MAPKAP1: variants seen among roughly 807,000 people sequenced by gnomAD.
MAPKAP1 encodes MAPK associated protein 1.
A neutral mutation model predicts 65.7 loss-of-function variants in MAPKAP1; 20 were observed. That is an observed-to-expected ratio of 0.30 (90% CI 0.21 to 0.44). The LOEUF is 0.44. MAPKAP1 is among the 20% of genes least tolerant of loss of function. The pLI is 1.00. For missense variants in MAPKAP1, 423 were observed against 648.0 expected, an observed-to-expected ratio of 0.65 and a Z score of 3.77; for synonymous variants, 222 against 244.3, an observed-to-expected ratio of 0.91 and a Z score of 0.85.
chr9:125,706,530 T>C (rs1406066484), intron 1 of MAPKAP1, among the ~76,000 whole-genome samples: 1 of 151,894 alleles, frequency 6.6e-6, no homozygotes, highest in Non-Finnish European at 1.5e-5. Flanking sequence ...AAAGAATGAA[T>C]CAAAGTTCCA....
intron 4 of MAPKAP1, among the ~76,000 whole-genome samples, chr9:125,611,607 AAAG>A (rs1256818144): frequency 6.6e-6 from 1 of 152,190 alleles, no homozygotes; most frequent in Non-Finnish European, 1.5e-5. Flanking sequence ...GAAAAATAGG[AAAG>A]AAGATCTGTA....
At chr9:125,693,733 A>G (rs1208897720) in intron 1 of MAPKAP1, among the ~76,000 whole-genome samples, 6 of 149,700 alleles carry the variant, frequency 4.0e-5, no homozygotes, top group Non-Finnish European at 8.8e-5. Context: ...ATATACACAT[A>G]TATACACGTA....
rs1832304414 is a variant in MAPKAP1, at chr9:125,601,721, A to G, written c.499-15994T>C. On this transcript the variant is annotated intron_variant, in intron 4 of 11. Transcript: ENST00000265960. ...ACCTCCTAGCAAACAATGTAAAAAC[A>G]TCACACAATAGGTTCACATTTCTTC... 3.3e-5 allele frequency among the ~76,000 whole-genome samples: 5 copies of G among 152,344 alleles called. No homozygotes were observed. In the South Asian group the frequency reaches 1.0e-3, roughly 32 times the overall value.
At chr9:125,576,653 C>T (rs1283897105) in intron 5 of MAPKAP1, among the ~76,000 whole-genome samples, 2 of 152,226 alleles carry the variant, frequency 1.3e-5, no homozygotes, top group Admixed American at 6.5e-5. Context: ...AGAGTGCCTG[C>T]GACTGCAGGC....
chr9:125,605,753 C>T (rs1832422642), intron 4 of MAPKAP1, among the ~76,000 whole-genome samples: 1 of 152,114 alleles, frequency 6.6e-6, no homozygotes, highest in Admixed American at 6.5e-5. Context: ...TTCTCCCTCA[C>T]CCTAAAGGAA....
chr9:125,468,192 T>C (rs1853753408), intron 9 of MAPKAP1, 83 bp from the exon 10 acceptor site: 1 of 1,459,858 alleles, frequency 6.8e-7, no homozygotes, highest in South Asian at 1.2e-5. Flanking sequence ...TGACCTGTTT[T>C]ATAAATCTGA....
rs546500676 is a variant in MAPKAP1 at position 125,439,053 on chromosome 9, C to T, written c.1444-41G>A. ...CACAGCCCGGTCACCTTGCCAGCCGCTCCCTACCCACCCAGGGCATCGGAG... is the reference window on the plus strand; with the variant it reads ...CACAGCCCGGTCACCTTGCCAGCCGTTCCCTACCCACCCAGGGCATCGGAG... On this transcript the variant is annotated intron_variant, in intron 11 of 11. Transcript: ENST00000265960. This position sits in a 1 kb window ranked among gnomAD's most constrained non-coding sequence, Gnocchi z 4.0. The T allele has an allele frequency of 7.5e-6, 12 of 1,606,794 alleles. No homozygotes were observed. The African/African-American group carries it at 1.5e-4, about 20-fold the overall frequency.
At chr9:125,625,273 A>ATAAATAAAT (rs1564589726) in intron 4 of MAPKAP1, among the ~76,000 whole-genome samples, 4 of 148,614 alleles carry the variant, frequency 2.7e-5, no homozygotes, top group African/African-American at 9.8e-5. Context: ...AAAAAAAAAA[A>ATAAATAAAT]AAAAAAACAA....
chr9:125,696,196 T>C (rs1835378346), intron 1 of MAPKAP1: 1 of 151,718 alleles, frequency 6.6e-6, no homozygotes, highest in South Asian at 2.1e-4. Flanking sequence ...TTCACATTTG[T>C]TAAAATAAAT....
chr9:125,684,663 T>C (rs777625716), intron 1 of MAPKAP1, among the ~76,000 whole-genome samples: 26 of 152,278 alleles, frequency 1.7e-4, no homozygotes, highest in Non-Finnish European at 3.1e-4. Flanking sequence ...TAAAGACAAG[T>C]TGCATTCCGT....
At chr9:125,560,315 G>C (rs1301878289) in intron 5 of MAPKAP1, among the ~76,000 whole-genome samples, 1 of 152,186 alleles carries the variant, frequency 6.6e-6, no homozygotes, top group Non-Finnish European at 1.5e-5. Flanking sequence ...GACAGGCATG[G>C]TGGCTCATGC....
chr9:125,673,045 G>T (rs1265520420), intron 1 of MAPKAP1, among the ~76,000 whole-genome samples: 1 of 152,142 alleles, frequency 6.6e-6, no homozygotes, highest in Non-Finnish European at 1.5e-5. Flanking sequence ...ATGTGCTAAA[G>T]TACAAAACTC....
chr9:125,540,994 T>G (rs569275516), intron 7 of MAPKAP1, among the ~76,000 whole-genome samples: 1 of 152,368 alleles, frequency 6.6e-6, no homozygotes, highest in South Asian at 2.1e-4. Flanking sequence ...AGACCAGACT[T>G]ATTAAAGCTA....
intron 4 of MAPKAP1, among the ~76,000 whole-genome samples, chr9:125,607,859 T>C (rs1832485929): frequency 6.6e-6 from 1 of 152,236 alleles, no homozygotes; most frequent in Non-Finnish European, 1.5e-5. Context: ...TTTCACCATG[T>C]TGGCCAGGAT....
At chr9:125,552,970 A>G (rs1423755783) in intron 6 of MAPKAP1, among the ~76,000 whole-genome samples, 1 of 152,224 alleles carries the variant, frequency 6.6e-6, no homozygotes, top group Non-Finnish European at 1.5e-5. Flanking sequence ...TATACATATC[A>G]ATATATGTAT....
chr9:125,486,242 G>C (rs1438126836), intron 8 of MAPKAP1, among the ~76,000 whole-genome samples: 2 of 152,212 alleles, frequency 1.3e-5, no homozygotes, highest in Admixed American at 1.3e-4. Flanking sequence ...CACATGCCAA[G>C]GTTACACTAA....
chr9:125,684,222 C>T (rs561859868), intron 1 of MAPKAP1, among the ~76,000 whole-genome samples: 1 of 152,230 alleles, frequency 6.6e-6, no homozygotes, highest in South Asian at 2.1e-4. Context: ...ATTCCATCAA[C>T]GATAATGTAA....
intron 1 of MAPKAP1, among the ~76,000 whole-genome samples, chr9:125,690,966 T>G (rs1285062005): frequency 2.0e-5 from 3 of 151,882 alleles, no homozygotes; most frequent in African/African-American, 7.3e-5. Context: ...ATTTAAGAGA[T>G]AAAAACTGGT....
intron 3 of MAPKAP1, among the ~76,000 whole-genome samples, chr9:125,663,919 A>G (rs925592599): frequency 2.5e-4 from 38 of 152,240 alleles, no homozygotes; most frequent in African/African-American, 8.9e-4. Context: ...TGGAAATTTA[A>G]TTATCATCAG....
Sources: gnomAD v4.1 joint callset for allele counts (sites outside exome capture counted in the v4.1 genomes callset) on GRCh38, gnomAD v4.1.1 for gene constraint, Gnocchi (gnomAD v3.1) non-coding constraint, MANE v1.5 for transcripts, NCBI Gene and HGNC (gene_info 2026-07-23, HGNC 2026-07-21) for gene names.